Variants in RECK observed in about 807,000 individuals in gnomAD.
RECK encodes reversion inducing cysteine rich protein with kazal motifs.
Under a neutral mutation model 115.1 loss-of-function variants are expected in RECK, and 69 were observed. The ratio of observed to expected loss-of-function variants is 0.60; its 90% CI spans 0.49 to 0.73. The LOEUF is 0.73. RECK is among the 30% of genes least tolerant of loss of function. The pLI, the probability that RECK is intolerant of heterozygous loss-of-function variation, is 0.00. For synonymous variants in RECK, 414 were observed against 419.7 expected (o/e 0.99, Z 0.17); for missense variants, 1,047 against 1,203.7 (o/e 0.87, Z 1.93).
chr9:36,118,532 G>A (rs984555659), intron 17 of RECK, among the ~76,000 whole-genome samples: 1 of 152,160 alleles, frequency 6.6e-6, no homozygotes, highest in Non-Finnish European at 1.5e-5. Flanking sequence ...AGATCCCAGA[G>A]AGGCTGAGAA....
chr9:36,060,733 C>T (rs1034305002), intron 4 of RECK, among the ~76,000 whole-genome samples: 1 of 152,060 alleles, frequency 6.6e-6, no homozygotes, highest in South Asian at 2.1e-4. Context: ...TCACATTCAC[C>T]TTAGTAATCT....
In RECK at chr9:36,042,956, G is replaced by A. The variant is rs569327248; in HGVS notation, c.100+5858G>A. ...ATGTTGAGCATTTTTTCATATGTTT[G>A]TTGGCCATTTGTATATCTTGTTTTG... On this transcript the variant is annotated intron_variant, in intron 1 of 20. Coordinates refer to ENST00000377966, the MANE Select transcript of RECK (RefSeq NM_021111.3). Among the ~76,000 whole-genome samples, 8 of 134,148 alleles carry A rather than the reference G, an allele frequency of 6.0e-5. No individual in the cohort carries two copies. The East Asian group carries it at 1.1e-3, about 19-fold the overall frequency. The allele number at this position is 134,148 out of a possible 152,430, so 88.0% of individuals were successfully genotyped here.
In RECK at chr9:36,084,176, G is replaced by A. The variant is rs563292938; in HGVS notation, c.637+614G>A. On this transcript the variant is annotated intron_variant, in intron 8 of 20. Transcript: ENST00000377966. ...TTTGAGAAGCCAAGACAGGCAGATCGTTTTGCGCTCAGGAGTTTGAGACCA... is the reference window on the plus strand; with the variant it reads ...TTTGAGAAGCCAAGACAGGCAGATCATTTTGCGCTCAGGAGTTTGAGACCA... Among the ~76,000 whole-genome samples the A allele has an allele frequency of 9.9e-5, 15 of 151,830 alleles. No individual in the cohort carries two copies. The South Asian group carries it at 1.7e-3, about 17-fold the overall frequency.
chr9:36,046,876 A>G (rs766486454), intron 1 of RECK, among the ~76,000 whole-genome samples: 21 of 152,292 alleles, frequency 1.4e-4, no homozygotes, highest in Middle Eastern at 3.4e-3. Flanking sequence ...TTCACCATTT[A>G]ATTGGAAAAA....
chr9:36,109,934 C>T (rs1227989116), intron 14 of RECK, 23 bp from the exon 15 acceptor site: 2 of 1,590,614 alleles, frequency 1.3e-6, no homozygotes, highest in South Asian at 2.2e-5. Context: ...TATAGATCAA[C>T]ATTTTCTTTC....
chr9:36,085,433 G>A (rs1238033566), intron 8 of RECK: 1 of 154,802 alleles, frequency 6.5e-6, no homozygotes, highest in Non-Finnish European at 1.5e-5. Flanking sequence ...TTTACACTGT[G>A]ATATTGAAAG....
intron 10 of RECK, among the ~76,000 whole-genome samples, chr9:36,097,607 G>C (rs1378238351): frequency 6.6e-6 from 1 of 152,116 alleles, no homozygotes; most frequent in Non-Finnish European, 1.5e-5. Flanking sequence ...GCCATTATGG[G>C]AAACAGTATG....
At chr9:36,076,176 A>G (rs1822441493) in intron 6 of RECK, among the ~76,000 whole-genome samples, 1 of 152,246 alleles carries the variant, frequency 6.6e-6, no homozygotes, top group African/African-American at 2.4e-5. Flanking sequence ...CGTTGTGAGA[A>G]TAGTCTGGTC....
In RECK at chr9:36,097,561, T is replaced by C. The variant is rs1823402855; in HGVS notation, c.1086-2770T>C. 6.6e-5 allele frequency among the ~76,000 whole-genome samples: 10 copies of C among 152,090 alleles called. No homozygotes were observed. In the South Asian group the frequency reaches 2.1e-3, roughly 32 times the overall value. ...AGCAAGGATGTGGAGAAAAGGGAAG[T>C]CTTGTACACTGTTGATGGAAATGTG... On this transcript the variant is annotated intron_variant, in intron 10 of 20. Transcript: ENST00000377966.
At chr9:36,040,498 G>C (rs1820831004) in intron 1 of RECK, among the ~76,000 whole-genome samples, 1 of 152,096 alleles carries the variant, frequency 6.6e-6, no homozygotes, top group Non-Finnish European at 1.5e-5. Flanking sequence ...AGATGGTGCA[G>C]AGCATTGCAA....
intron 9 of RECK, among the ~76,000 whole-genome samples, chr9:36,088,871 T>C (rs1823057644): frequency 6.6e-6 from 1 of 151,976 alleles, no homozygotes; most frequent in Non-Finnish European, 1.5e-5. Flanking sequence ...ATATACAAAA[T>C]TTAGCGGGGC....
At chr9:36,051,418 T>C (rs1333814421) in intron 1 of RECK, among the ~76,000 whole-genome samples, 1 of 152,242 alleles carries the variant, frequency 6.6e-6, no homozygotes, top group African/African-American at 2.4e-5. Flanking sequence ...ATTTTTGATG[T>C]CTGTACTTAC....
rs528859468 is a variant in RECK, at chr9:36,102,287, A to G, written c.1435+57A>G. On this transcript the variant is annotated intron_variant, in intron 12 of 20. Coordinates refer to ENST00000377966, the MANE Select transcript of RECK (RefSeq NM_021111.3). The stretch of plus-strand genomic sequence containing the variant: ...TTTCAAATACTTCTCTCTTCCAACT[A>G]TTTGTTTTACTATTTGTTTTGGATG... 5.8e-5 allele frequency: 83 copies of G among 1,437,436 alleles called. No individual in the cohort carries two copies. In the East Asian group the frequency reaches 9.5e-4, roughly 16 times the overall value. 89.0% of individuals were successfully genotyped at this position (1,437,436 alleles called of 1,614,324 possible).
chr9:36,063,045 G>GAAA (rs1307324206), intron 4 of RECK, among the ~76,000 whole-genome samples: 3 of 152,036 alleles, frequency 2.0e-5, no homozygotes, highest in Non-Finnish European at 2.9e-5. Flanking sequence ...TGAGGCAGGA[G>GAAA]AATTGCTTGG....
intron 16 of RECK, among the ~76,000 whole-genome samples, chr9:36,114,719 C>T (rs549514113): frequency 6.6e-6 from 1 of 152,190 alleles, no homozygotes; most frequent in African/African-American, 2.4e-5. Context: ...GTGGCTTCCA[C>T]CTGTAGTCCC....
chr9:36,046,568 G>T (rs1821079715), intron 1 of RECK, among the ~76,000 whole-genome samples: 1 of 152,206 alleles, frequency 6.6e-6, no homozygotes, highest in African/African-American at 2.4e-5. Flanking sequence ...GAGTGGCAAT[G>T]CCCTCAAGAG....
intron 12 of RECK, among the ~76,000 whole-genome samples, chr9:36,104,494 G>A (rs548001569): frequency 3.4e-5 from 5 of 145,214 alleles, no homozygotes; most frequent in Admixed American, 6.9e-5. Flanking sequence ...ATGCCACCAC[G>A]CCCAGCTAAA....
rs368900289 is a variant in RECK at position 36,097,158 on chromosome 9, T to C, written c.1086-3173T>C. Among the ~76,000 whole-genome samples the C allele has an allele frequency of 4.6e-5, 7 of 152,130 alleles. No individual in the cohort carries two copies. In the South Asian group the frequency reaches 8.3e-4, roughly 18 times the overall value. ...GGCCAACATGGTGAAACCCCGTCTCTACTAAAAATATTTTTAAAAATTAGC... is the reference window on the plus strand; with the variant it reads ...GGCCAACATGGTGAAACCCCGTCTCCACTAAAAATATTTTTAAAAATTAGC... On this transcript the variant is annotated intron_variant, in intron 10 of 20. Transcript: ENST00000377966.
intron 7 of RECK, among the ~76,000 whole-genome samples, chr9:36,081,852 T>C (rs1223525146): frequency 6.6e-6 from 1 of 151,442 alleles, no homozygotes; most frequent in Admixed American, 6.6e-5. Context: ...AAAAAAAATT[T>C]GTTCTTTGTG....
Sources: gnomAD v4.1 joint callset for allele counts (sites outside exome capture counted in the v4.1 genomes callset) on GRCh38, gnomAD v4.1.1 for gene constraint, MANE v1.5 for transcripts, NCBI Gene and HGNC (gene_info 2026-07-23, HGNC 2026-07-21) for gene names.